EXD2: variants seen among roughly 807,000 people sequenced by gnomAD.
The protein encoded by EXD2 is exonuclease 3'-5' domain-containing protein 2.
Under a neutral mutation model 62.5 loss-of-function variants are expected in EXD2, and 40 were observed. The ratio of observed to expected loss-of-function variants is 0.64; its 90% confidence interval spans 0.50 to 0.83. The LOEUF (loss-of-function observed/expected upper bound fraction) is 0.83, where lower values mean the gene tolerates loss of function less well. EXD2 is among the 40% of genes least tolerant of loss of function. The pLI is 0.00. For missense variants in EXD2, 671 were observed against 761.8 expected (o/e 0.88, Z 1.40); for synonymous variants, 239 against 291.9 (o/e 0.82, Z 1.85).
chr14:69,201,677 T>G (rs377354265), intron 1 of EXD2, among the ~76,000 whole-genome samples: 39 of 130,006 alleles, frequency 3.0e-4, no homozygotes, highest in Non-Finnish European at 5.0e-4. Context: ...TCTCTGTTTT[T>G]TTTTTTTTTT....
chr14:69,208,721 C>T (rs373783403), intron 2 of EXD2: 2 of 152,160 alleles, frequency 1.3e-5, no homozygotes, highest in Non-Finnish European at 1.5e-5. Context: ...AGTTTGCATC[C>T]GCCTTCTATG....
intron 3 of EXD2, among the ~76,000 whole-genome samples, chr14:69,221,567 GAC>G (rs1297317792): frequency 6.6e-6 from 1 of 151,606 alleles, no homozygotes; most frequent in Non-Finnish European, 1.5e-5. Flanking sequence ...AGGAGTATGA[GAC>G]CAGCCTGGTC....
intron 8 of EXD2, 86 bp downstream of exon 8, chr14:69,236,628 GC>G (rs1262918048): frequency 3.8e-6 from 6 of 1,563,700 alleles, no homozygotes; most frequent in Non-Finnish European, 5.3e-6. Context: ...GGGGGCTGTG[GC>G]TGAGTCTGTC....
rs537552569 is a variant in EXD2, at chr14:69,228,233, T to TCAGTG, written c.334-580_334-579insTGCAG. On this transcript the variant is annotated intron_variant, in intron 3 of 9. Coordinates refer to ENST00000685843, the MANE Select transcript of EXD2 (RefSeq NM_001193360.2). ...TGAGACAGAGTTTCACTCTTGTCGT[T>TCAGTG]CAGGCTGGAGTGCAGTGGCGCAATC... 3.8e-3 allele frequency among the ~76,000 whole-genome samples: 539 copies of TCAGTG among 141,308 alleles called. 7 individuals carry two copies. Among genetic ancestry groups the TCAGTG allele is most frequent in the African/African-American group, 0.013 (468 of 37,000 alleles). The allele number at this position is 141,308 out of a possible 152,430, so 92.7% of individuals were successfully genotyped here.
intron 1 of EXD2, among the ~76,000 whole-genome samples, chr14:69,198,525 T>C (rs74553043): frequency 0.013 from 2,012 of 152,312 alleles, 40 homozygotes; most frequent in African/African-American, 0.047. Flanking sequence ...AGGATAATGA[T>C]GGCCCCTCAT....
intron 2 of EXD2, among the ~76,000 whole-genome samples, chr14:69,205,927 A>G (rs1365972744): frequency 1.3e-5 from 2 of 151,576 alleles, no homozygotes; most frequent in African/African-American, 4.9e-5. Context: ...TTTATTTTTT[A>G]TTTTTATTTG....
chr14:69,198,397 A>G (rs2042279753), intron 1 of EXD2, among the ~76,000 whole-genome samples: 4 of 152,266 alleles, frequency 2.6e-5, no homozygotes, highest in African/African-American at 9.6e-5. Flanking sequence ...ATGAGCTTCT[A>G]ACAGGTCTCT....
chr14:69,220,251 C>CTTTTTTTTT (rs2043123001), intron 3 of EXD2, among the ~76,000 whole-genome samples: 1 of 60,604 alleles, frequency 1.7e-5, no homozygotes, highest in Non-Finnish European at 3.0e-5. Flanking sequence ...TTTTGTCTCT[C>CTTTTTTTTT]TGTTTTTTTT....
intron 4 of EXD2, among the ~76,000 whole-genome samples, chr14:69,229,835 G>T (rs1217053907): frequency 6.6e-6 from 1 of 151,756 alleles, no homozygotes; most frequent in African/African-American, 2.4e-5. Context: ...TTGGAGATTT[G>T]GTAAACTAAA....
rs1439615160 is a variant in EXD2 at position 69,234,789 on chromosome 14, A to G, written c.807A>G (p.Glu269=). 6.2e-7 allele frequency: 1 copy of G among 1,614,216 alleles called. No individual in the cohort carries two copies. Among genetic ancestry groups the G allele is most frequent in the East Asian group, 2.2e-5 (1 of 44,888 alleles). The part of the protein sequence containing the change: ...GYPFSRNSPG[E]KNDDHSSWRK... ...CTTTCTCTAGGAATTCACCTGGAGA[A>G]AAAAACGATGACCACAGTAGCTGGA... is the stretch of plus-strand genomic sequence containing the variant. The change falls in exon 6 of 10, where the codon GAA becomes GAG. Residue 269 remains glutamate, a synonymous_variant. Coordinates refer to ENST00000685843, the MANE Select transcript of EXD2 (RefSeq NM_001193360.2).
At chr14:69,233,537 T>A (rs1416429652) in intron 5 of EXD2, among the ~76,000 whole-genome samples, 1 of 151,252 alleles carries the variant, frequency 6.6e-6, no homozygotes, top group African/African-American at 2.4e-5. Context: ...AGCCCCAGGT[T>A]CAAGCGATTC....
chr14:69,203,709 A>T (rs1027932689), intron 1 of EXD2, among the ~76,000 whole-genome samples: 15 of 152,264 alleles, frequency 9.9e-5, no homozygotes, highest in African/African-American at 3.6e-4. Flanking sequence ...TATCATGGAA[A>T]GGATTCTTGA....
At chr14:69,223,308 C>G (rs1373282984) in intron 3 of EXD2, among the ~76,000 whole-genome samples, 1 of 152,202 alleles carries the variant, frequency 6.6e-6, no homozygotes, top group Non-Finnish European at 1.5e-5. Context: ...ATAGTCATCT[C>G]AAACTTAACA....
intron 3 of EXD2, among the ~76,000 whole-genome samples, chr14:69,217,851 C>A (rs982232114): frequency 6.6e-6 from 1 of 152,108 alleles, no homozygotes; most frequent in African/African-American, 2.4e-5. Flanking sequence ...CATCTATGTC[C>A]CTACAAAGGA....
chr14:69,209,752 G>C lies in EXD2; in HGVS notation c.282G>C (p.Leu94Phe). 6.5e-7 allele frequency: 1 copy of C among 1,540,364 alleles called. No homozygotes were observed. The highest frequency in any genetic ancestry group is 8.7e-7 in the Non-Finnish European group (1 of 1,143,130). ...QEAEWDQIEP[L>F]LRSELEDFPV... is the part of the protein sequence containing the mutation. ...CAGAGTGGGATCAAATCGAGCCCTTGCTTAGAAGTGAATTAGAAGATTTTC... is the reference window on the plus strand; with the variant it reads ...CAGAGTGGGATCAAATCGAGCCCTTCCTTAGAAGTGAATTAGAAGATTTTC... Residue 94 changes from leucine to phenylalanine, a missense_variant, in exon 3 of 10, where the codon TTG (leucine) becomes TTC (phenylalanine). Transcript: ENST00000685843.
chr14:69,225,478 A>G (rs2140293836), intron 3 of EXD2, among the ~76,000 whole-genome samples: 1 of 152,272 alleles, frequency 6.6e-6, no homozygotes, highest in African/African-American at 2.4e-5. Context: ...GATTGTTGTT[A>G]TTGTTCAGTT....
chr14:69,231,909 TAAAAAAA>T (rs747438242), intron 5 of EXD2, among the ~76,000 whole-genome samples: 1 of 60,632 alleles, frequency 1.6e-5, no homozygotes, highest in Admixed American at 2.0e-4. Context: ...GCATGAGCAG[TAAAAAAA>T]AAAAAAAAAA....
intron 2 of EXD2, among the ~76,000 whole-genome samples, chr14:69,205,027 ACAAATAAGT>A (rs2042540689): frequency 1.3e-5 from 2 of 152,194 alleles, no homozygotes; most frequent in African/African-American, 2.4e-5. Flanking sequence ...TTTGGCTGTT[ACAAATAAGT>A]AACTGCTATG....
chr14:69,233,172 C>G (rs1325709207), intron 5 of EXD2, among the ~76,000 whole-genome samples: 1 of 152,108 alleles, frequency 6.6e-6, no homozygotes, highest in Non-Finnish European at 1.5e-5. Context: ...CTAAAGTCTT[C>G]TCATTCAAGC....
Sources: gnomAD v4.1 joint callset for allele counts (sites outside exome capture counted in the v4.1 genomes callset) on GRCh38, gnomAD v4.1.1 for gene constraint, MANE v1.5 for transcripts, NCBI Gene and HGNC (gene_info 2026-07-23, HGNC 2026-07-21) for gene names.